Variants in LRRTM4 observed in about 807,000 individuals in gnomAD.
LRRTM4 encodes leucine-rich repeat transmembrane neuronal protein 4.
In LRRTM4, 25 loss-of-function variants were observed where a neutral mutation model predicts 47.6. That is an observed-to-expected ratio of 0.53 (90% CI 0.38 to 0.73). The LOEUF is 0.73. Among genes scored for constraint, LRRTM4 ranks in the 30% least tolerant of loss-of-function variants. The pLI, the probability that LRRTM4 is intolerant of heterozygous loss-of-function variation, is 0.00. For missense variants in LRRTM4, 638 were observed against 713.4 expected, an observed-to-expected ratio of 0.89 and a Z score of 1.20; for synonymous variants, 311 against 269.5, an observed-to-expected ratio of 1.15 and a Z score of -1.51.
At chr2:76,954,916 CAAAACA>C (rs1425556443) in intron 3 of LRRTM4, among the ~76,000 whole-genome samples, 11 of 151,224 alleles carry the variant, frequency 7.3e-5, no homozygotes, top group African/African-American at 2.7e-4. Flanking sequence ...GTGCTGGGGA[CAAAACA>C]AAAACAAAAA....
chr2:76,963,270 T>A (rs955669058), intron 3 of LRRTM4, among the ~76,000 whole-genome samples: 1 of 150,882 alleles, frequency 6.6e-6, no homozygotes, highest in African/African-American at 2.4e-5. Flanking sequence ...CAACATTAAA[T>A]TGTGATAAAA....
chr2:77,435,114 G>A (rs1415653425), intron 3 of LRRTM4, among the ~76,000 whole-genome samples: 1 of 151,860 alleles, frequency 6.6e-6, no homozygotes, highest in Admixed American at 6.6e-5. Flanking sequence ...CCCCCAAGTT[G>A]TGATGACAAC....
chr2:77,093,781 G>A (rs141912790), intron 3 of LRRTM4, among the ~76,000 whole-genome samples: 5,919 of 151,662 alleles, frequency 0.039, 268 homozygotes, highest in African/African-American at 0.094. Flanking sequence ...GCCCTGCCCC[G>A]CCTTAACTGA....
At chr2:77,011,850 G>A (rs560850746) in intron 3 of LRRTM4, among the ~76,000 whole-genome samples, 9 of 152,050 alleles carry the variant, frequency 5.9e-5, no homozygotes, top group Non-Finnish European at 1.0e-4. Context: ...AAGAGATTGT[G>A]TAAATTTACT....
chr2:77,496,614 TA>T (rs1409521689), intron 3 of LRRTM4, among the ~76,000 whole-genome samples: 1 of 151,834 alleles, frequency 6.6e-6, no homozygotes, highest in East Asian at 1.9e-4. Flanking sequence ...TTACATTGAC[TA>T]ATATTTGGAT....
At chr2:77,516,510 T>A (rs1679212493) in intron 3 of LRRTM4, among the ~76,000 whole-genome samples, 1 of 151,832 alleles carries the variant, frequency 6.6e-6, no homozygotes, top group South Asian at 2.1e-4. Context: ...AATTAATGCG[T>A]CTAGAATTTT....
chr2:77,188,290 C>T (rs1307764369), intron 3 of LRRTM4, among the ~76,000 whole-genome samples: 1 of 152,178 alleles, frequency 6.6e-6, no homozygotes, highest in Admixed American at 6.5e-5. Flanking sequence ...GATATTTCCC[C>T]TCTATGGGGA....
intron 3 of LRRTM4, among the ~76,000 whole-genome samples, chr2:77,503,057 A>T (rs1230979834): frequency 6.0e-5 from 9 of 148,936 alleles, no homozygotes; most frequent in Admixed American, 6.7e-5. Flanking sequence ...TTTTTTTTTT[A>T]GCTTATATTT....
intron 3 of LRRTM4, among the ~76,000 whole-genome samples, chr2:77,450,455 G>T (rs1458406059): frequency 6.6e-6 from 1 of 152,030 alleles, no homozygotes; most frequent in Non-Finnish European, 1.5e-5. Context: ...TCAATCTTTA[G>T]TCAATAACAT....
intron 3 of LRRTM4, among the ~76,000 whole-genome samples, chr2:76,774,206 G>C (rs1198976665): frequency 6.7e-6 from 1 of 150,254 alleles, no homozygotes; most frequent in African/African-American, 2.5e-5. Context: ...TTAGTTTTTA[G>C]ATGGAGTCTT....
Position 76,930,827 on chromosome 2 carries a change from A to G in LRRTM4, c.1552-181911T>C, listed in dbSNP as rs183522733. On this transcript the variant is annotated intron_variant, in intron 3 of 3. Coordinates refer to ENST00000409884, the MANE Select transcript of LRRTM4 (RefSeq NM_001134745.3). Reference sequence around the variant, plus strand: ...GCCTAGGAGGTACAATGATGAATAAATTAGAAAACATTAGAAATGCTCAAG... The same window carrying G: ...GCCTAGGAGGTACAATGATGAATAAGTTAGAAAACATTAGAAATGCTCAAG... Among the ~76,000 whole-genome samples the G allele has an allele frequency of 3.3e-4, 51 of 152,346 alleles. 1 individual carries two copies. Among genetic ancestry groups the G allele is most frequent in the Admixed American group, 3.3e-3 (51 of 15,284 alleles).
intron 3 of LRRTM4, among the ~76,000 whole-genome samples, chr2:77,117,791 C>T (rs748969652): frequency 3.2e-4 from 49 of 151,854 alleles, no homozygotes; most frequent in Admixed American, 3.3e-4. Context: ...TTTACTCAGA[C>T]ATCCTAAAAA....
At chr2:77,330,157 A>G (rs1232045482) in intron 3 of LRRTM4, among the ~76,000 whole-genome samples, 1 of 152,174 alleles carries the variant, frequency 6.6e-6, no homozygotes, top group Non-Finnish European at 1.5e-5. Context: ...CACTTGATAA[A>G]TAAATGTCAC....
intron 3 of LRRTM4, among the ~76,000 whole-genome samples, chr2:77,275,202 T>C (rs1345130596): frequency 1.3e-5 from 2 of 152,136 alleles, no homozygotes; most frequent in African/African-American, 4.8e-5. Context: ...TGTCCCACAC[T>C]TTTAGTACCC....
chr2:77,223,160 G>T (rs1033216465), intron 3 of LRRTM4, among the ~76,000 whole-genome samples: 1 of 151,864 alleles, frequency 6.6e-6, no homozygotes, highest in Non-Finnish European at 1.5e-5. Context: ...ATTCAACAAC[G>T]CTTCATGCTA....
At chr2:76,922,915 T>C (rs1674477116) in intron 3 of LRRTM4, among the ~76,000 whole-genome samples, 1 of 152,160 alleles carries the variant, frequency 6.6e-6, no homozygotes, top group South Asian at 2.1e-4. Context: ...AATGGAAGTG[T>C]CATGGAAACT....
chr2:77,118,219 C>T (rs191657424), intron 3 of LRRTM4, among the ~76,000 whole-genome samples: 7 of 151,534 alleles, frequency 4.6e-5, no homozygotes, highest in East Asian at 1.9e-4. Context: ...TTTCATGCCA[C>T]GTTGTTTGGG....
intron 3 of LRRTM4, among the ~76,000 whole-genome samples, chr2:77,236,965 G>GAT (rs764963604): frequency 1.3e-5 from 2 of 151,860 alleles, no homozygotes; most frequent in Non-Finnish European, 2.9e-5. Context: ...GTTTATCAGG[G>GAT]GTATTGGCCT....
chr2:76,813,858 T>G (rs1250598816), intron 3 of LRRTM4, among the ~76,000 whole-genome samples: 1 of 152,174 alleles, frequency 6.6e-6, no homozygotes, highest in Non-Finnish European at 1.5e-5. Context: ...CATCTTACAT[T>G]ACTAATGCAC....
Sources: gnomAD v4.1 joint callset for allele counts (sites outside exome capture counted in the v4.1 genomes callset) on GRCh38, gnomAD v4.1.1 for gene constraint, MANE v1.5 for transcripts, NCBI Gene and HGNC (gene_info 2026-07-23, HGNC 2026-07-21) for gene names.